Variants in TMEM108 observed in about 807,000 individuals in gnomAD.
TMEM108 encodes the protein transmembrane protein 108, also known as cancer/testis antigen 124.
In TMEM108, 12 loss-of-function variants were observed where a neutral mutation model predicts 35.1. That is an observed-to-expected ratio of 0.34 (90% CI 0.22 to 0.55). The LOEUF (loss-of-function observed/expected upper bound fraction) is 0.55. Ranked by LOEUF, TMEM108 falls within the 20% of genes least tolerant of loss-of-function variation. The pLI, the probability that TMEM108 is intolerant of heterozygous loss-of-function variation, is 0.89. For synonymous variants in TMEM108, 287 were observed against 308.6 expected, an observed-to-expected ratio of 0.93 and a Z score of 0.73; for missense variants, 680 against 753.3, an observed-to-expected ratio of 0.90 and a Z score of 1.14.
At chr3:133,203,808 A>G (rs1269877328) in intron 2 of TMEM108, among the ~76,000 whole-genome samples, 1 of 152,180 alleles carries the variant, frequency 6.6e-6, no homozygotes, top group Non-Finnish European at 1.5e-5. Context: ...TGTTGGCCTC[A>G]TAAAATGAGT....
intron 2 of TMEM108, chr3:133,074,392 A>G (rs1048796510): frequency 6.6e-6 from 1 of 152,214 alleles, no homozygotes; most frequent in Non-Finnish European, 1.5e-5. Context: ...TATTTAATAT[A>G]CCTAATTTAC....
chr3:133,276,709 CTCTT>C (rs1260663898), intron 3 of TMEM108, among the ~76,000 whole-genome samples: 2 of 152,146 alleles, frequency 1.3e-5, no homozygotes, highest in Non-Finnish European at 2.9e-5. Flanking sequence ...GAGAGCATAA[CTCTT>C]TCTCTAAATG....
At chr3:133,108,162 C>T (rs1377810164) in intron 2 of TMEM108, among the ~76,000 whole-genome samples, 2 of 152,054 alleles carry the variant, frequency 1.3e-5, no homozygotes, top group Middle Eastern at 3.4e-3. Flanking sequence ...ACTCGGGAGG[C>T]GGAGGTTGCA....
At chr3:133,133,595 G>T (rs73007485) in intron 2 of TMEM108, among the ~76,000 whole-genome samples, 9,608 of 152,008 alleles carry the variant, frequency 0.063, 1,027 homozygotes, top group African/African-American at 0.22. Flanking sequence ...TTGTCTTTCT[G>T]TGCCTGGCCT....
intron 2 of TMEM108, among the ~76,000 whole-genome samples, chr3:133,203,085 T>C (rs1332741068): frequency 6.6e-6 from 1 of 152,184 alleles, no homozygotes; most frequent in Non-Finnish European, 1.5e-5. Flanking sequence ...ATGATTTGGC[T>C]TTTTGTTTGT....
intron 2 of TMEM108, among the ~76,000 whole-genome samples, chr3:133,117,523 T>G (rs1194187943): frequency 1.3e-5 from 2 of 152,182 alleles, no homozygotes; most frequent in African/African-American, 4.8e-5. Context: ...CATTAGGAGC[T>G]GAAAATTAGA....
intron 2 of TMEM108, among the ~76,000 whole-genome samples, chr3:133,069,290 T>C (rs771292596): frequency 2.6e-5 from 4 of 152,226 alleles, no homozygotes; most frequent in Non-Finnish European, 5.9e-5. Flanking sequence ...AGGTCTTTGC[T>C]GGGTCACATG....
At chr3:133,154,209 G>A (rs1027851846) in intron 2 of TMEM108, among the ~76,000 whole-genome samples, 6 of 151,806 alleles carry the variant, frequency 4.0e-5, no homozygotes, top group African/African-American at 2.4e-5. Context: ...AGATGAGTAG[G>A]TTGCAAAAAT....
intron 3 of TMEM108, among the ~76,000 whole-genome samples, chr3:133,301,650 T>C (rs1159547482): frequency 6.6e-6 from 1 of 152,148 alleles, no homozygotes; most frequent in Non-Finnish European, 1.5e-5. Context: ...ATTATTTGGA[T>C]GGGATTAGGG....
chr3:133,312,552 C>A (rs2071145586), intron 3 of TMEM108, among the ~76,000 whole-genome samples: 1 of 152,252 alleles, frequency 6.6e-6, no homozygotes, highest in African/African-American at 2.4e-5. Flanking sequence ...GGGAGAGAAT[C>A]TCCTGGTCTG....
At chr3:133,172,418 A>G (rs1421220345) in intron 2 of TMEM108, among the ~76,000 whole-genome samples, 4 of 152,256 alleles carry the variant, frequency 2.6e-5, no homozygotes, top group Non-Finnish European at 4.4e-5. Context: ...AGAATTTGAC[A>G]ATAATGACAT....
chr3:133,058,009 C>G (rs1480448974), intron 2 of TMEM108, among the ~76,000 whole-genome samples: 1 of 152,092 alleles, frequency 6.6e-6, no homozygotes, highest in African/African-American at 2.4e-5. Flanking sequence ...GCCCTGCATC[C>G]TTCCATGCTA....
At chr3:133,349,698 A>G (rs1049752220) in intron 3 of TMEM108, among the ~76,000 whole-genome samples, 1 of 152,144 alleles carries the variant, frequency 6.6e-6, no homozygotes, top group Admixed American at 6.6e-5. Context: ...ATTACTAACC[A>G]TGAGGGAAAT....
chr3:133,308,034 A>G (rs1239954595), intron 3 of TMEM108, among the ~76,000 whole-genome samples: 1 of 151,968 alleles, frequency 6.6e-6, no homozygotes, highest in Non-Finnish European at 1.5e-5. Context: ...CTTTTGTTTC[A>G]TTGAGCAGTG....
chr3:133,254,341 A>G (rs1323518967), intron 3 of TMEM108, among the ~76,000 whole-genome samples: 1 of 152,220 alleles, frequency 6.6e-6, no homozygotes, highest in East Asian at 1.9e-4. Context: ...ATTGGAAACC[A>G]TAGGCCTGCC....
chr3:133,283,315 G>C (rs955029868), intron 3 of TMEM108, among the ~76,000 whole-genome samples: 3 of 152,126 alleles, frequency 2.0e-5, no homozygotes, highest in Non-Finnish European at 4.4e-5. Context: ...TTATCTACCA[G>C]TGTGAGGGAA....
At chr3:133,395,121 C>A (rs1160063657) in intron 5 of TMEM108, among the ~76,000 whole-genome samples, 1 of 152,232 alleles carries the variant, frequency 6.6e-6, no homozygotes, top group Non-Finnish European at 1.5e-5. Context: ...CAAAGCCATA[C>A]AGATTACCTT....
intron 2 of TMEM108, among the ~76,000 whole-genome samples, chr3:133,079,191 G>A (rs1009258505): frequency 3.3e-5 from 5 of 152,118 alleles, no homozygotes; most frequent in Non-Finnish European, 7.4e-5. Flanking sequence ...GTAAAGAGGG[G>A]CCTTCAACCC....
At chr3:133,264,158 A>G (rs1471886318) in intron 3 of TMEM108, among the ~76,000 whole-genome samples, 1 of 151,872 alleles carries the variant, frequency 6.6e-6, no homozygotes, top group Non-Finnish European at 1.5e-5. Context: ...ACAACAACAA[A>G]AATAGAAAAC....
Sources: allele counts gnomAD v4.1 joint callset (sites outside exome capture counted in the v4.1 genomes callset), GRCh38; gene constraint gnomAD v4.1.1; transcripts MANE v1.5; gene names NCBI Gene and HGNC (gene_info 2026-07-23, HGNC 2026-07-21).